GCNT3: variants seen among roughly 807,000 people sequenced by gnomAD.
The protein encoded by GCNT3 is beta-1,3-galactosyl-O-glycosyl-glycoprotein beta-1,6-N-acetylglucosaminyltransferase 3.
For synonymous variants in GCNT3, 269 were observed against 195.2 expected (o/e 1.38, Z -3.15); for missense variants, 708 against 530.3 (o/e 1.34, Z -3.29).
rs1465028122 is a variant in GCNT3 at position 59,621,617 on chromosome 15, A to T, written c.*2062A>T. ...GTTTTTTTTTTTTTTTTTGAGACAG[A>T]GTCTCACTCTGTCACCCAGGTTGGA... On this transcript the variant is annotated 3_prime_UTR_variant, in exon 3 of 3. Transcript: ENST00000396065. 6.5e-5 allele frequency: 3 copies of T among 46,470 alleles called. No homozygotes were observed. Among genetic ancestry groups the T allele is most frequent in the Non-Finnish European group, 1.1e-4 (3 of 26,666 alleles). 2.9% of individuals were successfully genotyped at this position (46,470 alleles called of 1,614,324 possible). A position where few individuals can be genotyped will look rare whatever the true frequency, so the allele number is the denominator to read the frequency against.
chr15:59,618,970 G>A lies in GCNT3; in HGVS notation c.732G>A (p.Lys244=). ...ATGCAGAGATGGTCCAGGCTCTCAA[G>A]ATGTTGAATGGGAGGAATAGCATGG... ...KSNAEMVQAL[K]MLNGRNSMES... is the part of the protein sequence containing the mutation. Residue 244 remains lysine (K), a synonymous_variant, in exon 3 of 3, where the codon AAG becomes AAA. Transcript: ENST00000396065. The A allele has an allele frequency of 6.2e-7, 1 of 1,614,132 alleles. No individual in the cohort carries two copies. The highest frequency in any genetic ancestry group is 8.5e-7 in the Non-Finnish European group (1 of 1,180,002).
chr15:59,617,186 T>C (rs1266245349), intron 2 of GCNT3, among the ~76,000 whole-genome samples: 3 of 148,284 alleles, frequency 2.0e-5, no homozygotes, highest in African/African-American at 7.4e-5. Context: ...TTCTTTTTTT[T>C]TTTTTAAAGG....
chr15:59,619,772 G>C lies in GCNT3; in HGVS notation c.*217G>C. The C allele has an allele frequency of 2.1e-6, 1 of 474,422 alleles. No homozygotes were observed. The highest frequency in any genetic ancestry group is 3.1e-5 in the South Asian group (1 of 32,046). The allele number at this position is 474,422 out of a possible 1,614,324, so 29.4% of individuals were successfully genotyped here. A position where few individuals can be genotyped will look rare whatever the true frequency, so the allele number is the denominator to read the frequency against. On this transcript the variant is annotated 3_prime_UTR_variant, in exon 3 of 3. Transcript: ENST00000396065. ...TGTTCTCTCACCCCTAACCCTAGTA[G>C]TTCCTCCACTAACTTTCTCACTAAG...
chr15:59,613,560 AT>A (rs2082705901), intron 1 of GCNT3, among the ~76,000 whole-genome samples: 5 of 150,078 alleles, frequency 3.3e-5, no homozygotes, highest in African/African-American at 1.2e-4. Context: ...AAATAAATAA[AT>A]AAATAAATAA....
rs939552349 is a variant in GCNT3 at position 59,621,853 on chromosome 15, C to T, written c.*2298C>T. The stretch of plus-strand genomic sequence containing the variant: ...ACCTCAAGTGATCCACTTGCCTTGG[C>T]TTCCCAAAGTGCTGGGATTACAGGC... On this transcript the variant is annotated 3_prime_UTR_variant, in exon 3 of 3. Coordinates refer to ENST00000396065, the MANE Select transcript of GCNT3 (RefSeq NM_004751.3). The T allele has an allele frequency of 5.3e-5, 8 of 151,224 alleles. No homozygotes were observed. The highest frequency in any genetic ancestry group is 1.9e-4 in the African/African-American group (8 of 41,150). 9.4% of individuals were successfully genotyped at this position (151,224 alleles called of 1,614,324 possible). A position where few individuals can be genotyped will look rare whatever the true frequency, so the allele number is the denominator to read the frequency against.
chr15:59,618,481 G>A lies in GCNT3; in HGVS notation c.243G>A (p.Val81=). ...TCACCCGAGGGGACCAAGAGGCAGTGCTTCAGGCTATTCTGAATAACCTGG... is the reference window on the plus strand; with the variant it reads ...TCACCCGAGGGGACCAAGAGGCAGTACTTCAGGCTATTCTGAATAACCTGG... The part of the protein sequence containing the change: ...SGVTRGDQEA[V]LQAILNNLEV... The change falls in exon 3 of 3, where the codon GTG becomes GTA. Residue 81 remains valine (V), a synonymous_variant. Transcript: ENST00000396065. 1 of 1,614,084 alleles carries A rather than the reference G, an allele frequency of 6.2e-7. No individual in the cohort carries two copies. Among genetic ancestry groups the A allele is most frequent in the Non-Finnish European group, 8.5e-7 (1 of 1,179,950 alleles).
Position 59,618,373 on chromosome 15 carries a change from G to A in GCNT3, c.135G>A (p.Arg45=), listed in dbSNP as rs557821641. 8.1e-6 allele frequency: 13 copies of A among 1,614,012 alleles called. No individual in the cohort carries two copies. In the African/African-American group the frequency reaches 1.3e-4, roughly 17 times the overall value. Reference sequence around the variant, plus strand: ...CTGACCACTTGGGTCTGGAGTCCAGGGAATCTCAAAGCCAGTACTGTAGGA... The same window carrying A: ...CTGACCACTTGGGTCTGGAGTCCAGAGAATCTCAAAGCCAGTACTGTAGGA... ...CDSDHLGLES[R]ESQSQYCRNI... is the part of the protein sequence containing the mutation. The change falls in exon 3 of 3, where the codon AGG becomes AGA. Residue 45 remains arginine (R), a synonymous_variant. Transcript: ENST00000396065.
intron 2 of GCNT3, 169 bp from the exon 3 acceptor site, chr15:59,618,010 G>A (rs2141937524): frequency 2.7e-6 from 1 of 376,852 alleles, no homozygotes; most frequent in South Asian, 8.0e-5. Flanking sequence ...AGTTTGTAGG[G>A]TCAGATTACA....
In GCNT3 at chr15:59,622,337, T is replaced by A. The variant is rs1171640400; in HGVS notation, c.*2782T>A. ...CAAAAAAAAAAAAAAAGTTACCTTT[T>A]TTTGGTAAGGTTGTACTTCTTAGAT... On this transcript the variant is annotated 3_prime_UTR_variant, in exon 3 of 3. Transcript: ENST00000396065. The A allele has an allele frequency of 6.6e-6, 1 of 152,146 alleles. No individual in the cohort carries two copies. The highest frequency in any genetic ancestry group is 1.9e-4 in the East Asian group (1 of 5,174). The allele number at this position is 152,146 out of a possible 1,614,324, so 9.4% of individuals were successfully genotyped here.
chr15:59,613,448 C>A (rs1167069641), intron 1 of GCNT3, among the ~76,000 whole-genome samples: 1 of 151,650 alleles, frequency 6.6e-6, no homozygotes, highest in Non-Finnish European at 1.5e-5. Flanking sequence ...TACCTGTAAT[C>A]CTAGCATTTT....
At position 59,619,274 on chromosome 15, in the gene GCNT3, G is replaced by C. The variant is rs1412818651; in HGVS notation, c.1036G>C (p.Val346Leu). 3.1e-6 allele frequency: 5 copies of C among 1,613,988 alleles called. No individual in the cohort carries two copies. The African/African-American group carries it at 6.7e-5, about 22-fold the overall frequency. ...LQRARWMPGS[V>L]PNHPKYDISD... ...GCGTGCACGGTGGATGCCTGGCTCT[G>C]TTCCCAACCACCCCAAGTACGACAT... The change falls in exon 3 of 3, where the codon GTT becomes CTT. Residue 346 changes from valine to leucine, a missense_variant. Coordinates refer to ENST00000396065, the MANE Select transcript of GCNT3 (RefSeq NM_004751.3).
In GCNT3 at chr15:59,618,645, C is replaced by G. The variant is rs1315175792; in HGVS notation, c.407C>G (p.Ser136Cys). 1.2e-6 allele frequency: 2 copies of G among 1,614,154 alleles called. No individual in the cohort carries two copies. The highest frequency in any genetic ancestry group is 8.5e-7 in the Non-Finnish European group (1 of 1,180,020). The change falls in exon 3 of 3, where the codon TCT becomes TGT. Residue 136 changes from serine to cysteine, a missense_variant. Coordinates refer to ENST00000396065, the MANE Select transcript of GCNT3 (RefSeq NM_004751.3). ...KEEVEFPIAY[S>C]MVIHEKIENF... ...GAGGTGGAGTTCCCTATTGCATACT[C>G]TATGGTGATTCATGAGAAGATTGAA...
chr15:59,614,350 G>T (rs1383695009), intron 1 of GCNT3, among the ~76,000 whole-genome samples: 1 of 152,126 alleles, frequency 6.6e-6, no homozygotes, highest in Non-Finnish European at 1.5e-5. Context: ...CCCAACAGAG[G>T]GTTCTTGGAT....
chr15:59,621,813 T>A lies in GCNT3; in HGVS notation c.*2258T>A, dbSNP rs1229580447. On this transcript the variant is annotated 3_prime_UTR_variant, in exon 3 of 3. Transcript: ENST00000396065. Reference sequence around the variant, plus strand: ...CAGGGTTTCACCATGTTGGTCAGGCTGGTCTGAACTCCTGACCTCAAGTGA... The same window carrying A: ...CAGGGTTTCACCATGTTGGTCAGGCAGGTCTGAACTCCTGACCTCAAGTGA... 6.6e-6 allele frequency: 1 copy of A among 150,926 alleles called. No homozygotes were observed. The highest frequency in any genetic ancestry group is 1.5e-5 in the Non-Finnish European group (1 of 67,724). The allele number at this position is 150,926 out of a possible 1,614,324, so 9.3% of individuals were successfully genotyped here. A position where few individuals can be genotyped will look rare whatever the true frequency, so the allele number is the denominator to read the frequency against.
At position 59,618,437 on chromosome 15, in the gene GCNT3, T is replaced by C. The variant is rs2082730027; in HGVS notation, c.199T>C (p.Ser67Pro). ...YNFLKLPAKR[S>P]INCSGVTRGD... ...TTTCCTGAAACTTCCAGCAAAGAGG[T>C]CTATCAACTGTTCAGGGGTCACCCG... Residue 67 changes from serine (S) to proline (P), a missense_variant, in exon 3 of 3, where the codon TCT (serine) becomes CCT (proline). Ser to Pro is a moderately conservative substitution (Grantham distance 74). Coordinates refer to ENST00000396065, the MANE Select transcript of GCNT3 (RefSeq NM_004751.3). 3 of 1,613,926 alleles carry C rather than the reference T, an allele frequency of 1.9e-6. No individual in the cohort carries two copies. The East Asian group carries it at 6.7e-5, about 36-fold the overall frequency.
Position 59,621,798 on chromosome 15 carries a change from C to G in GCNT3, c.*2243C>G, listed in dbSNP as rs1212427982. 6.6e-6 allele frequency: 1 copy of G among 150,748 alleles called. No homozygotes were observed. The highest frequency in any genetic ancestry group is 2.4e-5 in the African/African-American group (1 of 41,100). 9.3% of individuals were successfully genotyped at this position (150,748 alleles called of 1,614,324 possible). On this transcript the variant is annotated 3_prime_UTR_variant, in exon 3 of 3. Coordinates refer to ENST00000396065, the MANE Select transcript of GCNT3 (RefSeq NM_004751.3). ...TTTTTTTAGTAGAAACAGGGTTTCA[C>G]CATGTTGGTCAGGCTGGTCTGAACT...
In GCNT3 at chr15:59,615,226, A is replaced by G. The variant is rs1221550644; in HGVS notation, c.-250-1466A>G. 2.4e-4 allele frequency: 36 copies of G among 152,038 alleles called. 1 individual carries two copies. The highest frequency in any genetic ancestry group is 2.4e-3 in the Admixed American group (36 of 15,262). 9.4% of individuals were successfully genotyped at this position (152,038 alleles called of 1,614,324 possible). ...CTGGTTCTGTGAGCATCACCATGTCAACGCCTATTTATGTCTCAGTGGCTG... is the reference window on the plus strand; with the variant it reads ...CTGGTTCTGTGAGCATCACCATGTCGACGCCTATTTATGTCTCAGTGGCTG... On this transcript the variant is annotated intron_variant, in intron 1 of 2. Transcript: ENST00000396065.
At position 59,618,850 on chromosome 15, in the gene GCNT3, A is replaced by C. The variant is rs760912677; in HGVS notation, c.612A>C (p.Gln204His). The C allele has an allele frequency of 6.2e-7, 1 of 1,614,132 alleles. No homozygotes were observed. Among genetic ancestry groups the C allele is most frequent in the Non-Finnish European group, 8.5e-7 (1 of 1,180,004 alleles). ...RVVYASWSRV[Q>H]ADLNCMEDLL... is the part of the protein sequence containing the mutation. ...TTTATGCCTCCTGGTCCAGGGTGCA[A>C]GCTGACCTCAACTGCATGGAAGACT... Residue 204 changes from glutamine (Q) to histidine (H), a missense_variant, in exon 3 of 3, where the codon CAA (glutamine) becomes CAC (histidine). Gln to His is a conservative substitution (Grantham distance 24). Transcript: ENST00000396065.
In GCNT3 at chr15:59,619,568, G is replaced by C. The variant is rs142912740; in HGVS notation, c.*13G>C. On this transcript the variant is annotated 3_prime_UTR_variant, in exon 3 of 3. Coordinates refer to ENST00000396065, the MANE Select transcript of GCNT3 (RefSeq NM_004751.3). Reference sequence around the variant, plus strand: ...GACTGAACTTTGAGACACACTATGAGAGCGTTGCTACCTGTGGGGCAAGAG... The same window carrying C: ...GACTGAACTTTGAGACACACTATGACAGCGTTGCTACCTGTGGGGCAAGAG... 2.7e-6 allele frequency: 4 copies of C among 1,487,288 alleles called. No individual in the cohort carries two copies. The highest frequency in any genetic ancestry group is 3.7e-6 in the Non-Finnish European group (4 of 1,078,146). The allele number at this position is 1,487,288 out of a possible 1,614,324, so 92.1% of individuals were successfully genotyped here.
Sources: allele counts gnomAD v4.1 joint callset (sites outside exome capture counted in the v4.1 genomes callset), GRCh38; gene constraint gnomAD v4.1.1; transcripts MANE v1.5; gene names NCBI Gene and HGNC (gene_info 2026-07-23, HGNC 2026-07-21).